Variants in APC observed in about 807,000 individuals in gnomAD.
The protein encoded by APC is adenomatous polyposis coli protein.
APC carries 72 observed loss-of-function variants against 247.0 expected under a neutral mutation model. The ratio of observed to expected loss-of-function variants is 0.29; its 90% CI spans 0.24 to 0.35. APC has a LOEUF of 0.35. APC is among the 10% of genes least tolerant of loss of function. The pLI, the probability that APC is intolerant of heterozygous loss-of-function variation, is 1.00. For missense variants in APC, 3,400 were observed against 3,360.7 expected (o/e 1.01, Z -0.29); for synonymous variants, 1,254 against 1,162.5 (o/e 1.08, Z -1.60).
In APC at chr5:112,786,886, CTTTTTTTTTTT is replaced by C. The variant is rs1171592849; in HGVS notation, c.646-5551_646-5541del. Among the ~76,000 whole-genome samples, 35 of 118,132 alleles carry C rather than the reference CTTTTTTTTTTT, an allele frequency of 3.0e-4. No individual in the cohort carries two copies. In the South Asian group the frequency reaches 9.2e-3, roughly 31 times the overall value. 77.5% of individuals were successfully genotyped at this position (118,132 alleles called of 152,430 possible). On this transcript the variant is annotated intron_variant, in intron 6 of 15. Transcript: ENST00000257430. Reference sequence around the variant, plus strand: ...TACTCAACCCTGCCTTTTTCTTTTTCTTTTTTTTTTTTTTTTTTTGAGTCAGAGTCTTACTC... The same window carrying C: ...TACTCAACCCTGCCTTTTTCTTTTTCTTTTTTTTGAGTCAGAGTCTTACTC...
chr5:112,818,900 T>A (rs2149777935), intron 9 of APC, 66 bp from the exon 10 acceptor site: 2 of 1,496,166 alleles, frequency 1.3e-6, no homozygotes, highest in Non-Finnish European at 1.8e-6. Flanking sequence ...CATTCATCAC[T>A]TAATTGGTTT....
At position 112,838,408 on chromosome 5, in the gene APC, T is replaced by C. The variant is rs1554084501; in HGVS notation, c.2814T>C (p.Thr938=). 2 of 1,614,188 alleles carry C rather than the reference T, an allele frequency of 1.2e-6. No individual in the cohort carries two copies. Among genetic ancestry groups the C allele is most frequent in the Non-Finnish European group, 1.7e-6 (2 of 1,180,030 alleles). The change falls in exon 16 of 16, where the codon ACT becomes ACC. Residue 938 remains threonine (T), a synonymous_variant. Transcript: ENST00000257430. ...CACATTCAAACACTTACAATTTCAC[T>C]AAGTCGGAAAATTCAAATAGGACAT... ...AHTHSNTYNF[T]KSENSNRTCS...
In APC at chr5:112,775,629, G is replaced by T. The variant is rs863224458; in HGVS notation, c.423G>T (p.Arg141Ser). ...CCTTTTTTTAAAAAAAAAAAAATAG[G>T]TCATTGCTTCTTGCTGATCTTGACA... ...TGYLEELEKE[R>S]SLLLADLDKE... The change falls in exon 5 of 16, where the codon AGG (arginine) becomes AGT (serine). Residue 141 changes from arginine to serine, a missense_variant and splice_region_variant. Arg to Ser is a moderately radical substitution (Grantham distance 110, BLOSUM62 -1). Transcript: ENST00000257430. The T allele has an allele frequency of 6.3e-7, 1 of 1,576,900 alleles. No homozygotes were observed. The highest frequency in any genetic ancestry group is 8.7e-7 in the Non-Finnish European group (1 of 1,153,092).
At chr5:112,736,838 C>T (rs191821780), upstream of APC, among the ~76,000 whole-genome samples, 83 of 152,196 alleles carry the variant, frequency 5.5e-4, no homozygotes, top group Middle Eastern at 3.4e-3. Flanking sequence ...CGCTTGAACC[C>T]GGGAGGTGGA....
Position 112,751,416 on chromosome 5 carries a change from TAA to T in APC, c.-18-3456_-18-3455del, listed in dbSNP as rs564907086. On this transcript the variant is annotated intron_variant, in intron 1 of 15. Transcript: ENST00000257430. ...ATTTTTACTGGGACTGTAAAATTTA[TAA>T]GTTAGCTTAGGGAGAAATGGCATTT... Among the ~76,000 whole-genome samples, 660 of 152,208 alleles carry T rather than the reference TAA, an allele frequency of 4.3e-3. 7 individuals carry two copies. The highest frequency in any genetic ancestry group is 0.015 in the African/African-American group (637 of 41,568).
Position 112,840,287 on chromosome 5 carries a change from G to T in APC, c.4693G>T (p.Asp1565Tyr), listed in dbSNP as rs767138124. 1 of 1,614,152 alleles carries T rather than the reference G, an allele frequency of 6.2e-7. No individual in the cohort carries two copies. Among genetic ancestry groups the T allele is most frequent in the Non-Finnish European group, 8.5e-7 (1 of 1,179,980 alleles). ...KTIDSEKDLL[D>Y]DSDDDDIEIL... is the part of the protein sequence containing the mutation. ...TATTGATTCTGAAAAGGACCTATTAGATGATTCAGATGATGATGATATTGA... is the reference window on the plus strand; with the variant it reads ...TATTGATTCTGAAAAGGACCTATTATATGATTCAGATGATGATGATATTGA... Residue 1565 changes from aspartate (D) to tyrosine (Y), a missense_variant, in exon 16 of 16, where the codon GAT (aspartate) becomes TAT (tyrosine). Asp to Tyr is a radical substitution (Grantham distance 160). Around this residue, in one of 9 missense-constraint regions of APC, gnomAD observed 1,788 missense variants for 1,649.5 expected, o/e 1.08. Transcript: ENST00000257430. This position sits in a 1 kb window ranked among gnomAD's most constrained non-coding sequence, Gnocchi z 4.1.
intron 1 of APC, among the ~76,000 whole-genome samples, chr5:112,743,420 A>AT (rs11341302): frequency 1.3e-5 from 2 of 151,894 alleles, no homozygotes; most frequent in South Asian, 2.1e-4. Context: ...CTGGTTCTCC[A>AT]TTTTTTTTAA....
intron 6 of APC, among the ~76,000 whole-genome samples, chr5:112,785,764 C>T (rs997184939): frequency 6.6e-6 from 1 of 152,118 alleles, no homozygotes; most frequent in East Asian, 1.9e-4. Flanking sequence ...TATATAGGTA[C>T]AACCAATGAC....
rs77617586 is a variant in APC, at chr5:112,794,042, T to TA, written c.729+1527dup. On this transcript the variant is annotated intron_variant, in intron 7 of 15. Transcript: ENST00000257430. Reference sequence around the variant, plus strand: ...TTAAGAGACGTGGAACTAAGTCTCTTAAAAAAAAAAAAAAGGTAGGATGAT... The same window carrying TA: ...TTAAGAGACGTGGAACTAAGTCTCTTAAAAAAAAAAAAAAAGGTAGGATGAT... Among the ~76,000 whole-genome samples, 356 of 87,024 alleles carry TA rather than the reference T, an allele frequency of 4.1e-3. 2 individuals are homozygous for TA. Among genetic ancestry groups the TA allele is most frequent in the African/African-American group, 0.011 (322 of 28,032 alleles). The allele number at this position is 87,024 out of a possible 152,430, so 57.1% of individuals were successfully genotyped here.
chr5:112,714,481 T>G (rs1751043343), intron 1 of APC, among the ~76,000 whole-genome samples: 1 of 152,236 alleles, frequency 6.6e-6, no homozygotes. Context: ...AAACTTTAGC[T>G]AAGACTTCAT....
intron 6 of APC, among the ~76,000 whole-genome samples, chr5:112,789,937 G>A (rs1272215512): frequency 6.6e-6 from 1 of 151,398 alleles, no homozygotes; most frequent in East Asian, 2.0e-4. Context: ...ATCGCTCACT[G>A]CAACCTCCGC....
At position 112,839,711 on chromosome 5, in the gene APC, C is replaced by T. The variant is rs1580644187; in HGVS notation, c.4117C>T (p.Pro1373Ser). Residue 1373 changes from proline to serine, a missense_variant, in exon 16 of 16, where the codon CCT becomes TCT. This residue lies in a region of APC where 715 missense variants were observed against 656.6 expected (regional missense o/e 1.09). Transcript: ENST00000257430. This position sits in a 1 kb window ranked among gnomAD's most constrained non-coding sequence, Gnocchi z 5.0. ...KSGAQTPKSP[P>S]EHYVQETPLM... ...TGGTGCTCAGACACCCAAAAGTCCA[C>T]CTGAACACTATGTTCAGGAGACCCC... The T allele has an allele frequency of 6.2e-7, 1 of 1,614,128 alleles. No individual in the cohort carries two copies. The highest frequency in any genetic ancestry group is 1.1e-5 in the South Asian group (1 of 91,082).
Position 112,840,250 on chromosome 5 carries a change from G to A in APC, c.4656G>A (p.Glu1552=), listed in dbSNP as rs1192588332. ...AATCAAATGAAAACCAAGAGAAAGA[G>A]GCAGAAAAAACTATTGATTCTGAAA... ...PKESNENQEK[E]AEKTIDSEKD... is the part of the protein sequence containing the mutation. The change falls in exon 16 of 16, where the codon GAG becomes GAA. Residue 1552 remains glutamate, a synonymous_variant. Transcript: ENST00000257430. This position sits in a 1 kb window ranked among gnomAD's most constrained non-coding sequence, Gnocchi z 4.1. 1.9e-6 allele frequency: 3 copies of A among 1,614,042 alleles called. No homozygotes were observed. The highest frequency in any genetic ancestry group is 2.5e-6 in the Non-Finnish European group (3 of 1,180,006).
intron 7 of APC, among the ~76,000 whole-genome samples, chr5:112,796,976 CT>C (rs1760273704): frequency 6.6e-6 from 1 of 151,902 alleles, no homozygotes; most frequent in African/African-American, 2.4e-5. Context: ...TTATTTAATG[CT>C]GTTCACCTTC....
chr5:112,786,506 T>A (rs556212902), intron 6 of APC, among the ~76,000 whole-genome samples: 9 of 152,256 alleles, frequency 5.9e-5, no homozygotes, highest in Admixed American at 1.3e-4. Flanking sequence ...TAAGCAAAGG[T>A]TGGAAAAGTG....
chr5:112,843,262 A>G lies in APC; in HGVS notation c.7668A>G (p.Ser2556=), dbSNP rs1170896529. 1 of 1,613,636 alleles carries G rather than the reference A, an allele frequency of 6.2e-7. No homozygotes were observed. Among genetic ancestry groups the G allele is most frequent in the African/African-American group, 1.3e-5 (1 of 74,910 alleles). The change falls in exon 16 of 16, where the codon TCA becomes TCG. Residue 2556 remains serine, a synonymous_variant. Coordinates refer to ENST00000257430, the MANE Select transcript of APC (RefSeq NM_000038.6). The surrounding 1 kb of genome is among the most constrained non-coding windows in gnomAD (Gnocchi z 4.8). ...AACGTGAGCACAGCAAACATTCATC[A>G]TCCCTTCCTCGAGTAAGCACTTGGA... ...TWKREHSKHS[S]SLPRVSTWRR... is the part of the protein sequence containing the mutation.
chr5:112,774,733 T>TC (rs1757421793), intron 4 of APC, among the ~76,000 whole-genome samples: 1 of 152,122 alleles, frequency 6.6e-6, no homozygotes, highest in South Asian at 2.1e-4. Flanking sequence ...TGCCTCGGCT[T>TC]CCCTAAGTAT....
Position 112,775,625 on chromosome 5 carries a change from AT to A in APC, c.423-3del. ...CGTACCTTTTTTTAAAAAAAAAAAA[AT>A]AGGTCATTGCTTCTTGCTGATCTTG... On this transcript the variant is annotated splice_polypyrimidine_tract_variant and splice_region_variant and intron_variant, in intron 4 of 15. Coordinates refer to ENST00000257430, the MANE Select transcript of APC (RefSeq NM_000038.6). 11 of 1,571,930 alleles carry A rather than the reference AT, an allele frequency of 7.0e-6. No individual in the cohort carries two copies. Among genetic ancestry groups the A allele is most frequent in the Admixed American group, 6.9e-5 (4 of 58,378 alleles).
chr5:112,834,167 C>T (rs1764609550), intron 14 of APC, among the ~76,000 whole-genome samples: 1 of 150,856 alleles, frequency 6.6e-6, no homozygotes, highest in African/African-American at 2.4e-5. Context: ...GTCTCAAATT[C>T]CTAAACTCCC....
Sources: allele counts gnomAD v4.1 joint callset (sites outside exome capture counted in the v4.1 genomes callset), GRCh38; gene constraint gnomAD v4.1.1; regional missense constraint gnomAD v4.1.1; non-coding constraint Gnocchi (gnomAD v3.1); transcripts MANE v1.5; gene names NCBI Gene and HGNC (gene_info 2026-07-23, HGNC 2026-07-21).